CNTNAP2: variants seen among roughly 807,000 people sequenced by gnomAD.
The protein encoded by CNTNAP2 is contactin-associated protein-like 2.
Under a neutral mutation model 155.2 loss-of-function variants are expected in CNTNAP2, and 98 were observed. The ratio of observed to expected loss-of-function variants is 0.63; its 90% CI spans 0.54 to 0.75. CNTNAP2 has a LOEUF of 0.75. CNTNAP2 is among the 30% of genes least tolerant of loss of function. CNTNAP2 has a pLI of 0.00. For synonymous variants in CNTNAP2, 651 were observed against 631.2 expected, an observed-to-expected ratio of 1.03 and a Z score of -0.47; for missense variants, 1,727 against 1,688.1, an observed-to-expected ratio of 1.02 and a Z score of -0.40.
At chr7:147,897,777 C>T (rs750054829) in intron 13 of CNTNAP2, among the ~76,000 whole-genome samples, 1 of 152,220 alleles carries the variant, frequency 6.6e-6, no homozygotes, top group Non-Finnish European at 1.5e-5. Context: ...GATATTTCAA[C>T]GCTTATTTTT....
chr7:146,204,109 GA>G (rs1309913475), intron 1 of CNTNAP2, among the ~76,000 whole-genome samples: 1 of 152,068 alleles, frequency 6.6e-6, no homozygotes, highest in East Asian at 1.9e-4. Flanking sequence ...TATCCATGGG[GA>G]AAATTCTTGT....
rs535041395 is a variant in CNTNAP2 at position 148,003,143 on chromosome 7, G to A, written c.2383+25154G>A. Among the ~76,000 whole-genome samples the A allele has an allele frequency of 1.8e-4, 27 of 152,208 alleles. No homozygotes were observed. In the South Asian group the frequency reaches 4.6e-3, roughly 26 times the overall value. On this transcript the variant is annotated intron_variant, in intron 15 of 23. Transcript: ENST00000361727. ...GTAGCTCCTAGGAAGAGTTCTCAAG[G>A]AGCATCAACCTCTATGTGTCCTTCC... is the stretch of plus-strand genomic sequence containing the variant.
In CNTNAP2 at chr7:146,233,572, G is replaced by A. The variant is rs929770765; in HGVS notation, c.97+116599G>A. On this transcript the variant is annotated intron_variant, in intron 1 of 23. Transcript: ENST00000361727. Reference sequence around the variant, plus strand: ...GCTAGTGTGCTGCACCCATTAACTCGTCATTTAGCATTAGGTATATCTCCT... The same window carrying A: ...GCTAGTGTGCTGCACCCATTAACTCATCATTTAGCATTAGGTATATCTCCT... Among the ~76,000 whole-genome samples the A allele has an allele frequency of 5.3e-5, 8 of 151,820 alleles. No homozygotes were observed. In the East Asian group the frequency reaches 5.8e-4, roughly 11 times the overall value.
At chr7:146,896,947 A>C (rs943634237) in intron 3 of CNTNAP2, among the ~76,000 whole-genome samples, 1 of 152,142 alleles carries the variant, frequency 6.6e-6, no homozygotes, top group African/African-American at 2.4e-5. Flanking sequence ...ATTTAGATAA[A>C]GAGTATTTAA....
intron 3 of CNTNAP2, among the ~76,000 whole-genome samples, chr7:146,954,177 T>C (rs1346700244): frequency 6.6e-6 from 1 of 151,968 alleles, no homozygotes; most frequent in Non-Finnish European, 1.5e-5. Flanking sequence ...TGTTAACTTA[T>C]AATCTCTCAC....
chr7:147,478,641 A>T (rs1357825754), intron 10 of CNTNAP2, among the ~76,000 whole-genome samples: 1 of 152,158 alleles, frequency 6.6e-6, no homozygotes, highest in Non-Finnish European at 1.5e-5. Flanking sequence ...TTTCTGGAAG[A>T]AGATTGGGAA....
chr7:148,170,352 C>T (rs756997550), intron 17 of CNTNAP2, among the ~76,000 whole-genome samples: 11 of 152,248 alleles, frequency 7.2e-5, no homozygotes, highest in African/African-American at 1.7e-4. Flanking sequence ...GGACAAAAGC[C>T]ATAATGGCTA....
At chr7:147,844,780 A>T (rs1798799839) in intron 13 of CNTNAP2, among the ~76,000 whole-genome samples, 1 of 45,058 alleles carries the variant, frequency 2.2e-5, no homozygotes, top group Non-Finnish European at 3.9e-5. Context: ...TCAATACCTA[A>T]TTTATTGAGA....
At chr7:146,676,666 C>T (rs1224499537) in intron 1 of CNTNAP2, among the ~76,000 whole-genome samples, 1 of 152,084 alleles carries the variant, frequency 6.6e-6, no homozygotes, top group Non-Finnish European at 1.5e-5. Context: ...ACTCTCAGTT[C>T]TACATGGCTA....
chr7:147,691,380 CCT>C (rs933613766), intron 13 of CNTNAP2, among the ~76,000 whole-genome samples: 77 of 152,168 alleles, frequency 5.1e-4, no homozygotes, highest in African/African-American at 1.8e-3. Context: ...ATAAATATTC[CCT>C]GTGTGGCTTA....
At chr7:147,816,079 C>T (rs965160887) in intron 13 of CNTNAP2, among the ~76,000 whole-genome samples, 1 of 152,228 alleles carries the variant, frequency 6.6e-6, no homozygotes, top group African/African-American at 2.4e-5. Flanking sequence ...CGATCTGTTT[C>T]ACTAACATTG....
At chr7:146,851,714 G>A (rs1183662579) in intron 3 of CNTNAP2, among the ~76,000 whole-genome samples, 1 of 141,786 alleles carries the variant, frequency 7.1e-6, no homozygotes, top group Non-Finnish European at 1.5e-5. Context: ...TGATGGTATT[G>A]CTCTGTCACC....
chr7:147,624,469 A>G (rs111633146), intron 12 of CNTNAP2, among the ~76,000 whole-genome samples: 5,514 of 152,282 alleles, frequency 0.036, 331 homozygotes, highest in African/African-American at 0.12. Flanking sequence ...GACATTTCTC[A>G]AAAGAAGACA....
At chr7:147,228,193 C>T (rs1803591718) in intron 8 of CNTNAP2, among the ~76,000 whole-genome samples, 2 of 152,098 alleles carry the variant, frequency 1.3e-5, no homozygotes, top group African/African-American at 2.4e-5. Flanking sequence ...AAGTAAAAAG[C>T]TATTGAAACC....
chr7:147,272,529 G>A lies in CNTNAP2; in HGVS notation c.1349-27612G>A, dbSNP rs1257469249. ...TTTCTATTTTTTCGAGACAGAGTCC[G>A]GCTCTGTCGCCCAGGCTGGAGTGCA... On this transcript the variant is annotated intron_variant, in intron 8 of 23. Coordinates refer to ENST00000361727, the MANE Select transcript of CNTNAP2 (RefSeq NM_014141.6). Among the ~76,000 whole-genome samples the A allele has an allele frequency of 2.6e-5, 4 of 151,762 alleles. No homozygotes were observed. In the East Asian group the frequency reaches 5.9e-4, roughly 22 times the overall value.
chr7:147,866,763 T>TG (rs1261395073), intron 13 of CNTNAP2, among the ~76,000 whole-genome samples: 12 of 149,570 alleles, frequency 8.0e-5, no homozygotes, highest in African/African-American at 2.9e-4. Context: ...TTTTTTTTGT[T>TG]TTTTGTTGTT....
chr7:148,349,808 C>T (rs1798396195), intron 21 of CNTNAP2, among the ~76,000 whole-genome samples: 2 of 152,094 alleles, frequency 1.3e-5, no homozygotes, highest in Admixed American at 1.3e-4. Context: ...TATAGCAGGA[C>T]CAAAGACCCT....
At chr7:147,000,781 G>GT (rs1207999039) in intron 3 of CNTNAP2, among the ~76,000 whole-genome samples, 6 of 152,136 alleles carry the variant, frequency 3.9e-5, no homozygotes, top group African/African-American at 1.2e-4. Flanking sequence ...TAGTGCAGCA[G>GT]TGGGTCATGT....
chr7:148,316,164 T>C (rs142994635), intron 21 of CNTNAP2, among the ~76,000 whole-genome samples: 134 of 152,144 alleles, frequency 8.8e-4, no homozygotes, highest in African/African-American at 3.1e-3. Flanking sequence ...ACAATCTACA[T>C]AGAGCAACTG....
Sources: allele counts gnomAD v4.1 joint callset (sites outside exome capture counted in the v4.1 genomes callset), GRCh38; gene constraint gnomAD v4.1.1; transcripts MANE v1.5; gene names NCBI Gene and HGNC (gene_info 2026-07-23, HGNC 2026-07-21).